Variants in SAMD5 observed in about 807,000 individuals in gnomAD.
The protein encoded by SAMD5 is sterile alpha motif domain containing 5.
SAMD5 carries 13 observed loss-of-function variants against 11.3 expected under a neutral mutation model. That is an observed-to-expected ratio of 1.15 (90% CI 0.75 to 1.83). SAMD5 has a LOEUF of 1.83. SAMD5 is among the 40% of genes most tolerant of loss of function. SAMD5 has a pLI of 0.00. For missense variants in SAMD5, 255 were observed against 239.1 expected (o/e 1.07, Z -0.44); for synonymous variants, 129 against 111.3 (o/e 1.16, Z -1.00).
chr6:147,800,960 T>G, the SAMD5 span, among the ~76,000 whole-genome samples: 1 of 152,156 alleles, frequency 6.6e-6, no homozygotes, highest in Admixed American at 6.5e-5. Context: ...TACATATACC[T>G]ATAACCTATT....
chr6:147,553,892 C>T (rs1387953331), intron 1 of SAMD5, among the ~76,000 whole-genome samples: 2 of 151,844 alleles, frequency 1.3e-5, no homozygotes, highest in Non-Finnish European at 2.9e-5. Flanking sequence ...AAATTGGAGA[C>T]GAGGTAATGG....
chr6:147,886,031 C>G, the SAMD5 span, among the ~76,000 whole-genome samples: 1 of 152,070 alleles, frequency 6.6e-6, no homozygotes, highest in African/African-American at 2.4e-5. Flanking sequence ...AGAAAGAAAG[C>G]TATAGTCTAA....
intron 1 of SAMD5, among the ~76,000 whole-genome samples, chr6:147,531,655 T>C (rs1031000930): frequency 6.6e-6 from 1 of 152,228 alleles, no homozygotes; most frequent in Non-Finnish European, 1.5e-5. Flanking sequence ...ATTGCAACTG[T>C]AGGATGGCTT....
At chr6:147,818,368 A>AT in the SAMD5 span, among the ~76,000 whole-genome samples, 1 of 152,218 alleles carries the variant, frequency 6.6e-6, no homozygotes, top group African/African-American at 2.4e-5. Context: ...TACTGACTTG[A>AT]TGGTGGTGAT....
chr6:147,537,977 A>G (rs1304500289), intron 1 of SAMD5, among the ~76,000 whole-genome samples: 1 of 152,190 alleles, frequency 6.6e-6, no homozygotes, highest in Admixed American at 6.5e-5. Context: ...TGTTTGTATT[A>G]GTGAATTTTT....
rs181273387 is a variant in SAMD5, at chr6:147,706,415, A to C, written c.163-30902A>C. On this transcript the variant is annotated intron_variant, in intron 1 of 1. Coordinates refer to the SAMD5 transcript ENST00000566741. ...TAATTTTTGTAGTTTTTTAGTAAAGATGGGGTTTTACCATGTTGACCAGGC... is the reference window on the plus strand; with the variant it reads ...TAATTTTTGTAGTTTTTTAGTAAAGCTGGGGTTTTACCATGTTGACCAGGC... Among the ~76,000 whole-genome samples the C allele has an allele frequency of 3.9e-4, 59 of 152,176 alleles. No individual in the cohort carries two copies. The East Asian group carries it at 8.9e-3, about 23-fold the overall frequency.
At chr6:147,785,127 C>G in the SAMD5 span, among the ~76,000 whole-genome samples, 1 of 152,132 alleles carries the variant, frequency 6.6e-6, no homozygotes, top group Non-Finnish European at 1.5e-5. Flanking sequence ...CTCATTCCTT[C>G]CACCCAAATA....
At chr6:147,539,741 A>G (rs1330179738) in intron 1 of SAMD5, among the ~76,000 whole-genome samples, 1 of 152,074 alleles carries the variant, frequency 6.6e-6, no homozygotes, top group Non-Finnish European at 1.5e-5. Flanking sequence ...CAATTGACTG[A>G]GAAGAAAAAA....
At chr6:147,823,620 GTAAAA>G in the SAMD5 span, among the ~76,000 whole-genome samples, 1 of 151,992 alleles carries the variant, frequency 6.6e-6, no homozygotes, top group African/African-American at 2.4e-5. Flanking sequence ...GGAACTTAAA[GTAAAA>G]TAAAATAAGA....
the SAMD5 span, among the ~76,000 whole-genome samples, chr6:147,920,648 A>G: frequency 6.6e-6 from 1 of 152,176 alleles, no homozygotes; most frequent in South Asian, 2.1e-4. Context: ...ATTTTCTTCA[A>G]TTTTTAAAAA....
chr6:147,546,826 C>T (rs2128442682), intron 1 of SAMD5, among the ~76,000 whole-genome samples: 1 of 152,322 alleles, frequency 6.6e-6, no homozygotes, highest in South Asian at 2.1e-4. Context: ...TTGATATCCC[C>T]ATTCCCTTCT....
At chr6:147,808,874 T>G in the SAMD5 span, among the ~76,000 whole-genome samples, 1 of 152,168 alleles carries the variant, frequency 6.6e-6, no homozygotes. Flanking sequence ...CATTTCCTTT[T>G]AGAATGTTTG....
At chr6:147,762,758 C>T in the SAMD5 span, among the ~76,000 whole-genome samples, 2 of 152,096 alleles carry the variant, frequency 1.3e-5, no homozygotes, top group Non-Finnish European at 2.9e-5. Flanking sequence ...CGGTTTAGTA[C>T]TTTCACTCTA....
chr6:147,727,678 T>C (rs4110216), intron 1 of SAMD5, among the ~76,000 whole-genome samples: 74 of 151,918 alleles, frequency 4.9e-4, no homozygotes, highest in South Asian at 1.3e-3. Context: ...TTTTTTTTTT[T>C]CCCCAGATTG....
intron 1 of SAMD5, among the ~76,000 whole-genome samples, chr6:147,649,174 C>T (rs979694679): frequency 2.0e-5 from 3 of 152,152 alleles, no homozygotes; most frequent in African/African-American, 7.2e-5. Context: ...CAAATGCCTG[C>T]ATAATCTGGC....
At chr6:147,588,713 G>A (rs1470268398) in intron 1 of SAMD5, among the ~76,000 whole-genome samples, 1 of 152,034 alleles carries the variant, frequency 6.6e-6, no homozygotes, top group Non-Finnish European at 1.5e-5. Flanking sequence ...GCTTTTGGAA[G>A]ATCACTACTA....
At chr6:147,576,233 C>T (rs1239487935) in intron 1 of SAMD5, among the ~76,000 whole-genome samples, 9 of 151,916 alleles carry the variant, frequency 5.9e-5, no homozygotes, top group South Asian at 2.1e-4. Context: ...CTCTACCTCC[C>T]GGGTTCAAGC....
chr6:147,747,915 C>A, the SAMD5 span, among the ~76,000 whole-genome samples: 1 of 151,976 alleles, frequency 6.6e-6, no homozygotes, highest in African/African-American at 2.4e-5. Flanking sequence ...TCTGAGAAGA[C>A]AAAAACCAAA....
chr6:147,943,515 G>T, the SAMD5 span, among the ~76,000 whole-genome samples: 1 of 150,872 alleles, frequency 6.6e-6, no homozygotes, highest in South Asian at 2.1e-4. Flanking sequence ...CATTCTGAGG[G>T]CTCCTCCTCC....
Sources: gnomAD v4.1 joint callset for allele counts (sites outside exome capture counted in the v4.1 genomes callset) on GRCh38, gnomAD v4.1.1 for gene constraint, MANE v1.5 for transcripts, NCBI Gene and HGNC (gene_info 2026-07-23, HGNC 2026-07-21) for gene names.